LEF1: variants seen among roughly 807,000 people sequenced by gnomAD.
The protein encoded by LEF1 is lymphoid enhancer binding factor 1.
Under a neutral mutation model 51.2 loss-of-function variants are expected in LEF1, and 14 were observed. The ratio of observed to expected loss-of-function variants is 0.27; its 90% CI spans 0.18 to 0.43. The LOEUF (loss-of-function observed/expected upper bound fraction) is 0.43. Among genes scored for constraint, LEF1 ranks in the 20% least tolerant of loss-of-function variants. The pLI, the probability that LEF1 is intolerant of heterozygous loss-of-function variation, is 1.00. For synonymous variants in LEF1, 185 were observed against 183.2 expected, an observed-to-expected ratio of 1.01 and a Z score of -0.08; for missense variants, 386 against 512.0, an observed-to-expected ratio of 0.75 and a Z score of 2.37.
chr4:108,117,458 A>G (rs1741907392), intron 3 of LEF1, among the ~76,000 whole-genome samples: 1 of 152,254 alleles, frequency 6.6e-6, no homozygotes, highest in South Asian at 2.1e-4. Context: ...TGAAAGCATA[A>G]CAAAGCTTTT....
intron 3 of LEF1, among the ~76,000 whole-genome samples, chr4:108,096,736 T>C (rs1276062624): frequency 6.6e-6 from 1 of 152,116 alleles, no homozygotes; most frequent in Non-Finnish European, 1.5e-5. Context: ...CTCAAACAAC[T>C]CTATAGGAAA....
chr4:108,064,661 A>T (rs1256945826), intron 9 of LEF1, among the ~76,000 whole-genome samples: 36 of 13,192 alleles, frequency 2.7e-3, no homozygotes, highest in African/African-American at 4.6e-3. Flanking sequence ...TCACTCACAC[A>T]CACACACACA....
At chr4:108,123,123 G>A (rs369600827) in intron 3 of LEF1, among the ~76,000 whole-genome samples, 4 of 152,160 alleles carry the variant, frequency 2.6e-5, no homozygotes, top group African/African-American at 9.7e-5. Flanking sequence ...TATATAGTAT[G>A]TGCTTCCAGA....
At chr4:108,165,235 G>A in intron 1 of LEF1, 72 bp from the exon 2 acceptor site, 1 of 1,371,656 alleles carries the variant, frequency 7.3e-7, no homozygotes, top group African/African-American at 1.4e-5. Flanking sequence ...TGGTACAAAT[G>A]TGTGTGCGCT....
chr4:108,061,794 G>A (rs968831203), intron 11 of LEF1, among the ~76,000 whole-genome samples: 13 of 152,144 alleles, frequency 8.5e-5, no homozygotes, highest in East Asian at 1.9e-4. Flanking sequence ...AGAGGTTCTC[G>A]ATTAATAGCC....
intron 3 of LEF1, among the ~76,000 whole-genome samples, chr4:108,147,427 A>G (rs2110386521): frequency 6.6e-6 from 1 of 152,270 alleles, no homozygotes. Flanking sequence ...TAAATGTCAC[A>G]TTTCTCTCAC....
intron 8 of LEF1, among the ~76,000 whole-genome samples, chr4:108,075,805 G>A (rs1276449820): frequency 6.6e-6 from 1 of 152,146 alleles, no homozygotes; most frequent in African/African-American, 2.4e-5. Flanking sequence ...AAATATCATA[G>A]CATTGGTGAA....
rs956128960 is a variant in LEF1 at position 108,048,340 on chromosome 4, T to A, written c.*418A>T. The A allele has an allele frequency of 5.4e-6, 1 of 185,304 alleles. No individual in the cohort carries two copies. Among genetic ancestry groups the A allele is most frequent in the Non-Finnish European group, 1.1e-5 (1 of 90,054 alleles). The allele number at this position is 185,304 out of a possible 1,614,324, so 11.5% of individuals were successfully genotyped here. On this transcript the variant is annotated 3_prime_UTR_variant, in exon 12 of 12. Transcript: ENST00000265165. ...TGGATGTGCTGGTTGCTGGCTCCAG[T>A]TGCGCATGACAGGCAAATGCAGCCA...
At chr4:108,063,165 T>G (rs1365437047) in intron 11 of LEF1, among the ~76,000 whole-genome samples, 2 of 152,114 alleles carry the variant, frequency 1.3e-5, no homozygotes, top group Non-Finnish European at 2.9e-5. Context: ...ATACATTACT[T>G]TTGAGTGACT....
chr4:108,081,486 G>A, intron 6 of LEF1, 100 bp downstream of exon 6: 1 of 867,468 alleles, frequency 1.2e-6, no homozygotes, highest in Non-Finnish European at 1.9e-6. Flanking sequence ...GCTGAGGTAT[G>A]CACCCTCCTA....
chr4:108,144,927 T>C (rs924724), intron 3 of LEF1, among the ~76,000 whole-genome samples: 145,888 of 146,084 alleles, frequency 1, 72,846 homozygotes, highest in Middle Eastern at 1. Context: ...ATCTGCAGGT[T>C]TCATAAAAAA....
At chr4:108,103,819 G>A (rs569790238) in intron 3 of LEF1, among the ~76,000 whole-genome samples, 1 of 152,144 alleles carries the variant, frequency 6.6e-6, no homozygotes, top group Non-Finnish European at 1.5e-5. Context: ...CTAAGTAGTT[G>A]ATGTTTTGAG....
At chr4:108,050,427 T>C (rs1736903553) in intron 11 of LEF1, among the ~76,000 whole-genome samples, 2 of 152,044 alleles carry the variant, frequency 1.3e-5, no homozygotes, top group African/African-American at 2.4e-5. Flanking sequence ...AAGTTGTCTG[T>C]ACCTCAGTAC....
chr4:108,089,094 A>C (rs1473668022), intron 4 of LEF1, 31 bp downstream of exon 4: 2 of 1,613,378 alleles, frequency 1.2e-6, no homozygotes, highest in Non-Finnish European at 1.7e-6. Context: ...TTTGGCAAAA[A>C]AAAAGGGCCT....
intron 3 of LEF1, among the ~76,000 whole-genome samples, chr4:108,133,254 G>A (rs765042568): frequency 4.6e-5 from 7 of 152,180 alleles, no homozygotes; most frequent in African/African-American, 7.2e-5. Context: ...AGGTGATGCC[G>A]ATGTGGCTGA....
intron 3 of LEF1, among the ~76,000 whole-genome samples, chr4:108,096,163 G>A (rs1740380194): frequency 6.6e-6 from 1 of 152,158 alleles, no homozygotes; most frequent in African/African-American, 2.4e-5. Context: ...TACAGTGGTT[G>A]ATTCAGAGGT....
At chr4:108,093,963 T>C (rs1740216124) in intron 3 of LEF1, among the ~76,000 whole-genome samples, 1 of 152,172 alleles carries the variant, frequency 6.6e-6, no homozygotes, top group Non-Finnish European at 1.5e-5. Flanking sequence ...CAGGTACTAT[T>C]ATTATCCCCC....
intron 3 of LEF1, among the ~76,000 whole-genome samples, chr4:108,090,273 C>T (rs1364379098): frequency 6.6e-6 from 1 of 152,188 alleles, no homozygotes; most frequent in Admixed American, 6.5e-5. Flanking sequence ...CCACCGTGTC[C>T]AGCTGAAATA....
chr4:108,110,293 C>G (rs779579518), intron 3 of LEF1, among the ~76,000 whole-genome samples: 7 of 152,182 alleles, frequency 4.6e-5, no homozygotes, highest in Non-Finnish European at 1.0e-4. Flanking sequence ...CTAAAATTAA[C>G]AAGTTTCACT....
Sources: allele counts gnomAD v4.1 joint callset (sites outside exome capture counted in the v4.1 genomes callset), GRCh38; gene constraint gnomAD v4.1.1; transcripts MANE v1.5; gene names NCBI Gene and HGNC (gene_info 2026-07-23, HGNC 2026-07-21).